The following AKAP6 variants were observed in gnomAD, a reference collection of about 807,000 sequenced individuals.
The protein encoded by AKAP6 is A-kinase anchor protein 6.
A neutral mutation model predicts 188.5 loss-of-function variants in AKAP6; 58 were observed. The ratio of observed to expected loss-of-function variants is 0.31; its 90% CI spans 0.25 to 0.38. The LOEUF is 0.38. Among genes scored for constraint, AKAP6 ranks in the 10% least tolerant of loss-of-function variants. The pLI is 1.00. For synonymous variants in AKAP6, 989 were observed against 998.6 expected, an observed-to-expected ratio of 0.99 and a Z score of 0.18; for missense variants, 2,710 against 2,740.0, an observed-to-expected ratio of 0.99 and a Z score of 0.24.
chr14:32,350,058 C>CT (rs1887211352), intron 1 of AKAP6, among the ~76,000 whole-genome samples: 1 of 152,114 alleles, frequency 6.6e-6, no homozygotes, highest in Non-Finnish European at 1.5e-5. Flanking sequence ...ATAGATCTTT[C>CT]TTACAGAAAC....
intron 2 of AKAP6, among the ~76,000 whole-genome samples, chr14:32,470,701 A>G (rs754590028): frequency 2.4e-4 from 36 of 152,238 alleles, no homozygotes; most frequent in Non-Finnish European, 4.6e-4. Flanking sequence ...AGGTAGGCTT[A>G]AATAATTCCT....
At chr14:32,726,794 G>T (rs1201703382) in intron 9 of AKAP6, among the ~76,000 whole-genome samples, 1 of 152,216 alleles carries the variant, frequency 6.6e-6, no homozygotes, top group Non-Finnish European at 1.5e-5. Context: ...GAGACCCCAT[G>T]CAAATTTCTG....
intron 7 of AKAP6, among the ~76,000 whole-genome samples, chr14:32,647,427 A>C (rs1888030226): frequency 6.6e-6 from 1 of 152,090 alleles, no homozygotes; most frequent in African/African-American, 2.4e-5. Context: ...CTGGTAAGAA[A>C]AATAAGAGCT....
intron 2 of AKAP6, among the ~76,000 whole-genome samples, chr14:32,444,087 T>A (rs1890679826): frequency 6.6e-6 from 1 of 152,164 alleles, no homozygotes; most frequent in Non-Finnish European, 1.5e-5. Flanking sequence ...AGAAGTCTGG[T>A]CTTGATTAAG....
intron 11 of AKAP6, among the ~76,000 whole-genome samples, chr14:32,750,742 T>TTG (rs1485181900): frequency 7.2e-6 from 1 of 139,706 alleles, no homozygotes; most frequent in Non-Finnish European, 1.5e-5. Context: ...ATTTTGTTTT[T>TTG]TTTTTTTTGT....
rs570094042 is a variant in AKAP6 at position 32,636,561 on chromosome 14, C to T, written c.2730+35769C>T. 2.0e-5 allele frequency among the ~76,000 whole-genome samples: 3 copies of T among 152,076 alleles called. No homozygotes were observed. In the East Asian group the frequency reaches 5.8e-4, roughly 29 times the overall value. On this transcript the variant is annotated intron_variant, in intron 7 of 13. Coordinates refer to ENST00000280979, the MANE Select transcript of AKAP6 (RefSeq NM_004274.5). ...CTGAGTGTGAGAGAGTGACATATAG[C>T]TCTGTGCTGTGAGTGCAGTGTGGTA...
intron 11 of AKAP6, among the ~76,000 whole-genome samples, chr14:32,766,916 T>A (rs958146187): frequency 1.3e-5 from 2 of 152,140 alleles, no homozygotes; most frequent in Non-Finnish European, 2.9e-5. Flanking sequence ...CTCTATATTT[T>A]CTTCTAAGAT....
intron 9 of AKAP6, among the ~76,000 whole-genome samples, chr14:32,712,729 G>C (rs35590641): frequency 0.33 from 49,831 of 151,794 alleles, 8,688 homozygotes; most frequent in South Asian, 0.47. Flanking sequence ...ACATCTTCAG[G>C]CTCTACCTCC....
intron 5 of AKAP6, among the ~76,000 whole-genome samples, chr14:32,595,726 A>C (rs1489541457): frequency 6.6e-6 from 1 of 152,064 alleles, no homozygotes; most frequent in South Asian, 2.1e-4. Context: ...AAATTTTTTA[A>C]AAAAACTTGA....
chr14:32,735,719 A>C lies in AKAP6; in HGVS notation c.3209A>C (p.Asp1070Ala). The change falls in exon 11 of 14, where the codon GAC becomes GCC. Residue 1070 changes from aspartate to alanine, a missense_variant. Asp to Ala is a moderately radical substitution (Grantham distance 126). Transcript: ENST00000280979. ...MAGHSGSSPR[D>A]LLSPESGSLV... ...GGGCACAGTGGGTCGAGTCCACGTG[A>C]CCTGCTCTCTCCTGAAAGTGGAAGC... The C allele has an allele frequency of 1.9e-6, 3 of 1,613,504 alleles. No individual in the cohort carries two copies. The African/African-American group carries it at 4.0e-5, about 22-fold the overall frequency.
intron 11 of AKAP6, among the ~76,000 whole-genome samples, chr14:32,740,453 A>C (rs2031622844): frequency 6.6e-6 from 1 of 152,030 alleles, no homozygotes; most frequent in African/African-American, 2.4e-5. Flanking sequence ...TGCCCAGATC[A>C]ATGCCCTAGA....
rs1301143149 is a variant in AKAP6 at position 32,546,176 on chromosome 14, G to A, written c.1523G>A (p.Cys508Tyr). ...PHKTSEEVPP[C>Y]RTPKRGTGSG... ...AAGACCTCAGAAGAGGTGCCTCCAT[G>A]CCGAACACCTAAACGGGGGACTGGT... The change falls in exon 4 of 14, where the codon TGC (cysteine) becomes TAC (tyrosine). Residue 508 changes from cysteine to tyrosine, a missense_variant. This residue lies in a region of AKAP6 where 2,473 missense variants were observed against 2,426.1 expected (regional missense o/e 1.02). Coordinates refer to ENST00000280979, the MANE Select transcript of AKAP6 (RefSeq NM_004274.5). 1.2e-6 allele frequency: 2 copies of A among 1,613,952 alleles called. No homozygotes were observed. The highest frequency in any genetic ancestry group is 1.3e-5 in the African/African-American group (1 of 74,900).
At chr14:32,806,267 G>A (rs1181306609) in intron 12 of AKAP6, among the ~76,000 whole-genome samples, 1 of 152,220 alleles carries the variant, frequency 6.6e-6, no homozygotes, top group East Asian at 1.9e-4. Flanking sequence ...CTATGTCTGG[G>A]ATGGAAATGA....
intron 1 of AKAP6, among the ~76,000 whole-genome samples, chr14:32,413,158 A>G (rs1022294702): frequency 1.3e-5 from 2 of 148,862 alleles, no homozygotes; most frequent in Admixed American, 1.4e-4. Context: ...AGGGACAAAA[A>G]GAAAGTATTT....
intron 1 of AKAP6, among the ~76,000 whole-genome samples, chr14:32,331,899 A>C (rs1020105677): frequency 6.6e-6 from 1 of 152,144 alleles, no homozygotes; most frequent in Non-Finnish European, 1.5e-5. Context: ...TCACAAATAC[A>C]TTACAAAGTT....
chr14:32,558,175 A>T (rs2139197366), intron 4 of AKAP6, among the ~76,000 whole-genome samples: 1 of 152,380 alleles, frequency 6.6e-6, no homozygotes, highest in Non-Finnish European at 1.5e-5. Flanking sequence ...ATCCTAAAGG[A>T]TCACAGATTG....
intron 7 of AKAP6, among the ~76,000 whole-genome samples, chr14:32,603,817 G>T (rs115330557): frequency 6.6e-6 from 1 of 152,070 alleles, no homozygotes; most frequent in Non-Finnish European, 1.5e-5. Flanking sequence ...TTTTAGAAGA[G>T]AATTGGAAAT....
intron 1 of AKAP6, among the ~76,000 whole-genome samples, chr14:32,357,362 A>G (rs1277313303): frequency 6.6e-6 from 1 of 152,214 alleles, no homozygotes; most frequent in Admixed American, 6.5e-5. Context: ...AGCTGGTATG[A>G]GTTCTATATA....
chr14:32,678,783 T>C (rs796317841), intron 8 of AKAP6, among the ~76,000 whole-genome samples: 31 of 152,366 alleles, frequency 2.0e-4, no homozygotes, highest in African/African-American at 7.2e-4. Flanking sequence ...ATTTGCTCTT[T>C]TTTAGGTTTC....
Sources: allele counts gnomAD v4.1 joint callset (sites outside exome capture counted in the v4.1 genomes callset), GRCh38; gene constraint gnomAD v4.1.1; regional missense constraint gnomAD v4.1.1; transcripts MANE v1.5; gene names NCBI Gene and HGNC (gene_info 2026-07-23, HGNC 2026-07-21).